The following CWF19L2 variants were observed in gnomAD, a reference collection of about 807,000 sequenced individuals.
CWF19L2 encodes CWF19-like protein 2.
A neutral mutation model predicts 111.7 loss-of-function variants in CWF19L2; 98 were observed. That is an observed-to-expected ratio of 0.88 (90% CI 0.75 to 1.04). The LOEUF is 1.04. Among genes scored for constraint, CWF19L2 ranks in the 50% least tolerant of loss-of-function variants. CWF19L2 has a pLI of 0.00. For missense variants in CWF19L2, 1,101 were observed against 1,051.4 expected (o/e 1.05, Z -0.65); for synonymous variants, 351 against 342.9 (o/e 1.02, Z -0.26).
chr11:107,365,224 C>A (rs1860421023), intron 12 of CWF19L2, among the ~76,000 whole-genome samples: 1 of 148,936 alleles, frequency 6.7e-6, no homozygotes, highest in Non-Finnish European at 1.5e-5. Context: ...GATGGATTCA[C>A]AGCCGAATTC....
At chr11:107,347,505 C>T (rs1412612144) in intron 14 of CWF19L2, among the ~76,000 whole-genome samples, 2 of 152,188 alleles carry the variant, frequency 1.3e-5, no homozygotes, top group Non-Finnish European at 2.9e-5. Context: ...CACTAGCCTA[C>T]AATAATTGAT....
chr11:107,336,036 A>G (rs1198180863), intron 15 of CWF19L2, among the ~76,000 whole-genome samples: 1 of 152,162 alleles, frequency 6.6e-6, no homozygotes, highest in Non-Finnish European at 1.5e-5. Flanking sequence ...CCTGGCCAAC[A>G]TGGTGAAACC....
At chr11:107,420,357 T>C (rs573186984) in intron 8 of CWF19L2, among the ~76,000 whole-genome samples, 90 of 152,068 alleles carry the variant, frequency 5.9e-4, no homozygotes, top group Non-Finnish European at 1.2e-3. Context: ...CAAAAGAAAG[T>C]TGAAGTGGCT....
At chr11:107,449,869 A>G (rs1861754062) in intron 3 of CWF19L2, among the ~76,000 whole-genome samples, 1 of 152,144 alleles carries the variant, frequency 6.6e-6, no homozygotes, top group East Asian at 1.9e-4. Flanking sequence ...TACATTAAAC[A>G]TAAATAATCC....
chr11:107,388,671 C>T (rs1285086515), intron 12 of CWF19L2, among the ~76,000 whole-genome samples: 7 of 152,108 alleles, frequency 4.6e-5, no homozygotes, highest in South Asian at 2.1e-4. Flanking sequence ...TGAGCCACCA[C>T]GCCCGGCACT....
chr11:107,432,445 T>A (rs1861477858), intron 7 of CWF19L2, among the ~76,000 whole-genome samples: 1 of 152,096 alleles, frequency 6.6e-6, no homozygotes, highest in Admixed American at 6.5e-5. Flanking sequence ...TAGCCAGGCG[T>A]GGTGGTGTGC....
intron 6 of CWF19L2, among the ~76,000 whole-genome samples, chr11:107,436,153 C>T (rs1223593032): frequency 6.8e-6 from 1 of 146,484 alleles, no homozygotes; most frequent in Non-Finnish European, 1.5e-5. Flanking sequence ...ACTCCACACG[C>T]CCCCCGACCC....
intron 6 of CWF19L2, among the ~76,000 whole-genome samples, chr11:107,438,146 C>G (rs1565284923): frequency 6.6e-6 from 1 of 152,066 alleles, no homozygotes; most frequent in Non-Finnish European, 1.5e-5. Flanking sequence ...AATAAAAATA[C>G]ATTATGTATA....
chr11:107,384,378 C>T (rs556793560), intron 12 of CWF19L2, among the ~76,000 whole-genome samples: 1 of 152,296 alleles, frequency 6.6e-6, no homozygotes, highest in African/African-American at 2.4e-5. Context: ...ATACCTAATA[C>T]ATATAGCCTG....
At chr11:107,328,889 A>C (rs577860977) in intron 17 of CWF19L2, among the ~76,000 whole-genome samples, 46 of 152,228 alleles carry the variant, frequency 3.0e-4, no homozygotes, top group South Asian at 6.2e-4. Flanking sequence ...GTAATATGTT[A>C]TAACAGTTCA....
Position 107,326,826 on chromosome 11 carries a change from C to A in CWF19L2, c.*84G>T. 8.4e-7 allele frequency: 1 copy of A among 1,186,756 alleles called. No individual in the cohort carries two copies. The highest frequency in any genetic ancestry group is 1.2e-6 in the Non-Finnish European group (1 of 847,964). 73.5% of individuals were successfully genotyped at this position (1,186,756 alleles called of 1,614,324 possible). A position where few individuals can be genotyped will look rare whatever the true frequency, so the allele number is the denominator to read the frequency against. On this transcript the variant is annotated 3_prime_UTR_variant, in exon 18 of 18. Coordinates refer to ENST00000282251, the MANE Select transcript of CWF19L2 (RefSeq NM_152434.3). The stretch of plus-strand genomic sequence containing the variant: ...CTGCTGTGACTCTCTCTGCCTGTGA[C>A]CTGAGGGTCAGTTGCTTCATTAGAT...
Position 107,405,405 on chromosome 11 carries a change from C to T in CWF19L2, c.1617+10804G>A, listed in dbSNP as rs1861062322. 1.3e-5 allele frequency among the ~76,000 whole-genome samples: 2 copies of T among 152,090 alleles called. 1 individual carries two copies. Among genetic ancestry groups the T allele is most frequent in the South Asian group, 4.1e-4 (2 of 4,820 alleles). ...ATCACTTTATTGATTTTTCCTACTA[C>T]CTGATAACAAGCAAGATTAAAACTT... On this transcript the variant is annotated intron_variant, in intron 10 of 17. Transcript: ENST00000282251.
chr11:107,401,078 G>C (rs1218623767), intron 10 of CWF19L2, among the ~76,000 whole-genome samples: 1 of 151,950 alleles, frequency 6.6e-6, no homozygotes, highest in Non-Finnish European at 1.5e-5. Flanking sequence ...ATGTAATAAA[G>C]GCCATCTATG....
intron 3 of CWF19L2, 65 bp from the exon 4 acceptor site, chr11:107,443,114 CTGT>C: frequency 9.3e-7 from 1 of 1,078,330 alleles, no homozygotes; most frequent in Non-Finnish European, 1.4e-6. Context: ...AAATTCTGTG[CTGT>C]TAAGTGGTAG....
chr11:107,331,417 A>G (rs763027494), intron 16 of CWF19L2, among the ~76,000 whole-genome samples: 11 of 152,218 alleles, frequency 7.2e-5, no homozygotes, highest in Non-Finnish European at 1.0e-4. Flanking sequence ...GCCCAATGTA[A>G]TCATAAGGAC....
At chr11:107,416,182 T>C in intron 10 of CWF19L2, 27 bp downstream of exon 10, 1 of 801,206 alleles carries the variant, frequency 1.2e-6, no homozygotes, top group Non-Finnish European at 1.8e-6. Context: ...ACAAGGTAAT[T>C]ACATTCTCCA....
intron 2 of CWF19L2, among the ~76,000 whole-genome samples, chr11:107,455,448 C>A (rs1384641942): frequency 6.6e-6 from 1 of 152,134 alleles, no homozygotes; most frequent in Non-Finnish European, 1.5e-5. Context: ...CTGTCTTCTA[C>A]TAGCCAAACT....
intron 8 of CWF19L2, among the ~76,000 whole-genome samples, chr11:107,423,520 T>G (rs560172165): frequency 1.6e-4 from 25 of 151,966 alleles, no homozygotes; most frequent in Non-Finnish European, 3.5e-4. Flanking sequence ...TTCTTTTCCT[T>G]CTGCCATTTG....
chr11:107,442,724 GAGAAAGAA>G (rs1392272206), intron 4 of CWF19L2, among the ~76,000 whole-genome samples: 1 of 119,000 alleles, frequency 8.4e-6, no homozygotes, highest in African/African-American at 3.4e-5. Flanking sequence ...GAGAGAGAAA[GAGAAAGAA>G]AGAAAGGAAG....
Sources: allele counts gnomAD v4.1 joint callset (sites outside exome capture counted in the v4.1 genomes callset), GRCh38; gene constraint gnomAD v4.1.1; transcripts MANE v1.5; gene names NCBI Gene and HGNC (gene_info 2026-07-23, HGNC 2026-07-21).